The following LIPA variants were observed in gnomAD, a reference collection of about 807,000 sequenced individuals.
The protein encoded by LIPA is lysosomal acid lipase/cholesteryl ester hydrolase.
Under a neutral mutation model 40.6 loss-of-function variants are expected in LIPA, and 26 were observed. The observed-to-expected ratio is 0.64, with a 90% CI of 0.47 to 0.89. The LOEUF is 0.89. Among genes scored for constraint, LIPA ranks in the 40% least tolerant of loss-of-function variants. The pLI, the probability that LIPA is intolerant of heterozygous loss-of-function variation, is 0.00. For synonymous variants in LIPA, 188 were observed against 168.4 expected (o/e 1.12, Z -0.90); for missense variants, 455 against 479.6 (o/e 0.95, Z 0.48).
chr10:89,272,745 C>T (rs1281268124), intron 1 of LIPA, among the ~76,000 whole-genome samples: 1 of 152,206 alleles, frequency 6.6e-6, no homozygotes, highest in African/African-American at 2.4e-5. Context: ...TCTCTACAAC[C>T]TCGCCAGCAT....
At chr10:89,407,009 C>T (rs186897586) in intron 2 of LIPA, among the ~76,000 whole-genome samples, 31 of 152,252 alleles carry the variant, frequency 2.0e-4, no homozygotes, top group South Asian at 1.9e-3. Context: ...ACTAAAGACA[C>T]GGGTGTCAGG....
At chr10:89,245,251 C>T (rs10887934) in intron 3 of LIPA, among the ~76,000 whole-genome samples, 31,817 of 151,740 alleles carry the variant, frequency 0.21, 3,572 homozygotes, top group African/African-American at 0.3. Context: ...GAAGTTATTT[C>T]AAAAAGATAC....
chr10:89,214,565 A>G lies in LIPA; in HGVS notation c.*263T>C. ...AATGGATATAATGACCTTTTTACAC[A>G]TCAGTGATATTTAAAAGACTTAAAG... On this transcript the variant is annotated 3_prime_UTR_variant, in exon 10 of 10. Transcript: ENST00000336233. 2.5e-6 allele frequency: 1 copy of G among 398,606 alleles called. No individual in the cohort carries two copies. The highest frequency in any genetic ancestry group is 4.6e-6 in the Non-Finnish European group (1 of 218,308). 24.7% of individuals were successfully genotyped at this position (398,606 alleles called of 1,614,324 possible). A position where few individuals can be genotyped will look rare whatever the true frequency, so the allele number is the denominator to read the frequency against.
At chr10:89,298,241 C>T (rs755912497) in intron 1 of LIPA, among the ~76,000 whole-genome samples, 15 of 152,190 alleles carry the variant, frequency 9.9e-5, no homozygotes, top group Admixed American at 2.0e-4. Flanking sequence ...CCACTAACAC[C>T]AGTGCCAGTG....
intron 1 of LIPA, among the ~76,000 whole-genome samples, chr10:89,285,677 C>T (rs1422387620): frequency 6.6e-6 from 1 of 152,100 alleles, no homozygotes; most frequent in Non-Finnish European, 1.5e-5. Context: ...TCTACCCTCT[C>T]TTTTCTCTCC....
chr10:89,274,831 A>G (rs577864306), intron 1 of LIPA, among the ~76,000 whole-genome samples: 1 of 152,316 alleles, frequency 6.6e-6, no homozygotes, highest in East Asian at 1.9e-4. Flanking sequence ...CCTATAACAC[A>G]CAAAGATGCA....
chr10:89,384,778 A>G, intron 2 of LIPA: 1 of 1,425,522 alleles, frequency 7.0e-7, no homozygotes, highest in South Asian at 1.3e-5. Context: ...TCTTATAACT[A>G]AATAGAATGA....
intron 2 of LIPA, among the ~76,000 whole-genome samples, chr10:89,352,490 A>T (rs1589619362): frequency 6.6e-6 from 1 of 152,176 alleles, no homozygotes; most frequent in African/African-American, 2.4e-5. Flanking sequence ...GTATTTGGAC[A>T]CCTCATTCAG....
intron 1 of LIPA, among the ~76,000 whole-genome samples, chr10:89,330,121 GA>G (rs1428446083): frequency 3.3e-5 from 5 of 152,202 alleles, no homozygotes; most frequent in Non-Finnish European, 7.3e-5. Flanking sequence ...TGGCCATCTG[GA>G]TGTGTACATG....
Position 89,313,829 on chromosome 10 carries a change from G to A in LIPA, c.-2+28782C>T, listed in dbSNP as rs186726111. Among the ~76,000 whole-genome samples, 189 of 152,296 alleles carry A rather than the reference G, an allele frequency of 1.2e-3. 2 individuals carry two copies. Among genetic ancestry groups the A allele is most frequent in the African/African-American group, 3.3e-3 (139 of 41,570 alleles). ...ATTCTGTTTATATGAAATGTGGAAC[G>A]GAGGCAAATTTATAGACACAGAAAA... is the stretch of plus-strand genomic sequence containing the variant. On this transcript the variant is annotated intron_variant, in intron 1 of 5. Transcript: ENST00000282673.
intron 1 of LIPA, among the ~76,000 whole-genome samples, chr10:89,337,045 TC>T (rs1843753356): frequency 6.6e-6 from 1 of 152,190 alleles, no homozygotes; most frequent in Non-Finnish European, 1.5e-5. Flanking sequence ...TGCAACAAAT[TC>T]ATTCTGTCTG....
chr10:89,220,338 G>A (rs889913869), intron 8 of LIPA, among the ~76,000 whole-genome samples: 2 of 152,146 alleles, frequency 1.3e-5, no homozygotes, highest in African/African-American at 4.8e-5. Flanking sequence ...TAACTGATGA[G>A]GTGACAGACA....
In LIPA at chr10:89,215,977, G is replaced by C; in HGVS notation, c.927C>G (p.Asp309Glu). The C allele has an allele frequency of 1.2e-6, 2 of 1,612,330 alleles. No individual in the cohort carries two copies. Among genetic ancestry groups the C allele is most frequent in the Non-Finnish European group, 1.7e-6 (2 of 1,178,372 alleles). ...AATAATTCTTGGCACTGCTTCCCCA[G>C]TCAAAGGCTTGAAACTTTTGGAATT... ...AVKFQKFQAF[D>E]WGSSAKNYFH... is the part of the protein sequence containing the mutation. Residue 309 changes from aspartate (D) to glutamate (E), a missense_variant, in exon 9 of 10, where the codon GAC becomes GAG. Asp to Glu is a conservative substitution (Grantham distance 45). Transcript: ENST00000336233.
chr10:89,332,463 A>G lies in LIPA; in HGVS notation c.-2+10148T>C, dbSNP rs547999268. Reference sequence around the variant, plus strand: ...CAGTTTCCCCTCAAGAGGGATCTTGATAGGGTTCCATCAGTTTCACTTTCC... The same window carrying G: ...CAGTTTCCCCTCAAGAGGGATCTTGGTAGGGTTCCATCAGTTTCACTTTCC... On this transcript the variant is annotated intron_variant, in intron 1 of 5. Coordinates refer to the LIPA transcript ENST00000282673. 19 of 1,487,610 alleles carry G rather than the reference A, an allele frequency of 1.3e-5. No homozygotes were observed. In the South Asian group the frequency reaches 2.3e-4, roughly 18 times the overall value. The allele number at this position is 1,487,610 out of a possible 1,614,324, so 92.2% of individuals were successfully genotyped here.
chr10:89,408,827 C>A (rs1841446128), intron 2 of LIPA, among the ~76,000 whole-genome samples: 1 of 152,048 alleles, frequency 6.6e-6, no homozygotes, highest in Admixed American at 6.5e-5. Flanking sequence ...GTATCTTAGT[C>A]AGATAAATGA....
At chr10:89,403,690 A>T (rs774899198) in intron 2 of LIPA, 34 of 1,588,948 alleles carry the variant, frequency 2.1e-5, no homozygotes, top group Non-Finnish European at 1.7e-5. Context: ...GACTTTGAGA[A>T]CTCTGTGAGA....
chr10:89,227,425 G>GT (rs536329622), intron 4 of LIPA, among the ~76,000 whole-genome samples: 1,612 of 152,280 alleles, frequency 0.011, 9 homozygotes, highest in Non-Finnish European at 0.016. Flanking sequence ...TACAAATAGC[G>GT]TGACAATAAA....
chr10:89,352,849 C>T (rs1843967261), intron 2 of LIPA, among the ~76,000 whole-genome samples: 1 of 150,044 alleles, frequency 6.7e-6, no homozygotes, highest in African/African-American at 2.5e-5. Flanking sequence ...AAGGAAATTC[C>T]TTGTGGGCCT....
chr10:89,390,877 C>T (rs1844242882), intron 2 of LIPA, among the ~76,000 whole-genome samples: 1 of 152,212 alleles, frequency 6.6e-6, no homozygotes, highest in Non-Finnish European at 1.5e-5. Flanking sequence ...ACATCTTGCT[C>T]CCCAAAAGAT....
Sources: gnomAD v4.1 joint callset for allele counts (sites outside exome capture counted in the v4.1 genomes callset) on GRCh38, gnomAD v4.1.1 for gene constraint, MANE v1.5 for transcripts, NCBI Gene and HGNC (gene_info 2026-07-23, HGNC 2026-07-21) for gene names.